The following NRF1 variants were observed in gnomAD, a reference collection of about 807,000 sequenced individuals.
NRF1 encodes the protein alpha palindromic-binding protein.
Under a neutral mutation model 58.5 loss-of-function variants are expected in NRF1, and 5 were observed. The ratio of observed to expected loss-of-function variants is 0.09; its 90% CI spans 0.04 to 0.18. NRF1 has a LOEUF of 0.18. Among genes scored for constraint, NRF1 ranks in the 10% least tolerant of loss-of-function variants. NRF1 has a pLI of 1.00. For synonymous variants in NRF1, 224 were observed against 246.7 expected (o/e 0.91, Z 0.86); for missense variants, 288 against 657.7 (o/e 0.44, Z 6.15).
At chr7:129,751,878 C>T (rs895799021) in intron 10 of NRF1, among the ~76,000 whole-genome samples, 6 of 152,128 alleles carry the variant, frequency 3.9e-5, no homozygotes, top group Admixed American at 3.3e-4. Context: ...AGAGCCTGAT[C>T]GTGATAGGAG....
chr7:129,671,880 T>C (rs1802055934), intron 3 of NRF1, among the ~76,000 whole-genome samples: 1 of 152,138 alleles, frequency 6.6e-6, no homozygotes, highest in Non-Finnish European at 1.5e-5. Flanking sequence ...ATATGCAATA[T>C]GTCAGCTGAT....
chr7:129,657,363 C>T lies in NRF1; in HGVS notation c.12C>T (p.His4=), dbSNP rs1430490570. 15 of 1,613,704 alleles carry T rather than the reference C, an allele frequency of 9.3e-6. No individual in the cohort carries two copies. Among genetic ancestry groups the T allele is most frequent in the Non-Finnish European group, 1.3e-5 (15 of 1,179,734 alleles). MEE[H]GVTQTEHMAT... is the part of the protein sequence containing the mutation. The stretch of plus-strand genomic sequence containing the variant: ...GACAGTAGAACTTCATGGAGGAACA[C>T]GGAGTGACCCAAACCGAACATATGG... The change falls in exon 2 of 11, where the codon CAC becomes CAT. Residue 4 remains histidine, a synonymous_variant. Transcript: ENST00000393232.
At chr7:129,663,573 G>GC (rs1801844346) in intron 2 of NRF1, among the ~76,000 whole-genome samples, 1 of 151,358 alleles carries the variant, frequency 6.6e-6, no homozygotes, top group African/African-American at 2.4e-5. Flanking sequence ...ACGATGGGCG[G>GC]CCAGGCAGAG....
intron 1 of NRF1, among the ~76,000 whole-genome samples, chr7:129,612,370 C>T (rs937539729): frequency 6.6e-6 from 1 of 152,030 alleles, no homozygotes; most frequent in Non-Finnish European, 1.5e-5. Context: ...GGAGAGGAGG[C>T]TGGCTCTTTG....
In NRF1 at chr7:129,755,535, GTATATATATACATATATATATA is replaced by G. The variant is rs1241029648; in HGVS notation, c.*362_*383del. 4 of 46,944 alleles carry G rather than the reference GTATATATATACATATATATATA, an allele frequency of 8.5e-5. No homozygotes were observed. The highest frequency in any genetic ancestry group is 3.5e-4 in the African/African-American group (4 of 11,320). The allele number at this position is 46,944 out of a possible 1,614,324, so 2.9% of individuals were successfully genotyped here. A position where few individuals can be genotyped will look rare whatever the true frequency, so the allele number is the denominator to read the frequency against. On this transcript the variant is annotated 3_prime_UTR_variant, in exon 11 of 11. Coordinates refer to ENST00000393232, the MANE Select transcript of NRF1 (RefSeq NM_005011.5). The surrounding 1 kb of genome is among the most constrained non-coding windows in gnomAD (Gnocchi z 5.8). ...ACATACACATTTACATATATATAAA[GTATATATATACATATATATATA>G]TATATATGTATGAAACCCGCATGGA...
intron 1 of NRF1, among the ~76,000 whole-genome samples, chr7:129,651,563 G>A (rs1801536799): frequency 6.6e-6 from 1 of 152,140 alleles, no homozygotes; most frequent in Non-Finnish European, 1.5e-5. Context: ...CTGGAGCAAA[G>A]AATTGAAATC....
intron 1 of NRF1, among the ~76,000 whole-genome samples, chr7:129,639,861 TAAAA>T (rs1305872386): frequency 1.3e-5 from 2 of 152,132 alleles, no homozygotes; most frequent in African/African-American, 4.8e-5. Flanking sequence ...CCCCCTTTTT[TAAAA>T]AAAGTAATAT....
At chr7:129,691,501 C>T (rs966129627) in intron 5 of NRF1, among the ~76,000 whole-genome samples, 17 of 151,252 alleles carry the variant, frequency 1.1e-4, no homozygotes, top group African/African-American at 1.7e-4. Flanking sequence ...ATTATAGGTG[C>T]GGGCTACCAC....
chr7:129,667,102 A>G (rs1562964764), intron 2 of NRF1, among the ~76,000 whole-genome samples: 1 of 152,214 alleles, frequency 6.6e-6, no homozygotes, highest in African/African-American at 2.4e-5. Context: ...CTACTGGAAG[A>G]TATACCCAGG....
At chr7:129,626,244 A>G (rs1800916896) in intron 1 of NRF1, among the ~76,000 whole-genome samples, 1 of 152,240 alleles carries the variant, frequency 6.6e-6, no homozygotes, top group South Asian at 2.1e-4. Flanking sequence ...CCTTCGACAT[A>G]CAGTAGTTGC....
At chr7:129,694,035 A>C (rs1019369412) in intron 5 of NRF1, among the ~76,000 whole-genome samples, 4 of 152,260 alleles carry the variant, frequency 2.6e-5, no homozygotes, top group Non-Finnish European at 4.4e-5. Context: ...AACCACACTC[A>C]GTAGAGCTTG....
intron 10 of NRF1, among the ~76,000 whole-genome samples, chr7:129,747,997 C>T (rs953226809): frequency 6.6e-6 from 1 of 152,104 alleles, no homozygotes; most frequent in Non-Finnish European, 1.5e-5. Context: ...AGTCCTCGGC[C>T]GGGCGCGGTG....
intron 1 of NRF1, among the ~76,000 whole-genome samples, chr7:129,629,750 C>A (rs1801006864): frequency 6.6e-6 from 1 of 152,158 alleles, no homozygotes; most frequent in African/African-American, 2.4e-5. Context: ...TCTCATCAAG[C>A]ACATTCTTAA....
intron 3 of NRF1, among the ~76,000 whole-genome samples, chr7:129,677,292 C>T (rs569439185): frequency 1.3e-5 from 2 of 152,150 alleles, no homozygotes; most frequent in East Asian, 3.9e-4. Context: ...GGGATTACAG[C>T]AGGCATGAGC....
At chr7:129,706,617 G>A (rs948816079) in intron 5 of NRF1, among the ~76,000 whole-genome samples, 1 of 152,174 alleles carries the variant, frequency 6.6e-6, no homozygotes, top group African/African-American at 2.4e-5. Flanking sequence ...TGGAGAGAGG[G>A]TAGGGTAGGA....
chr7:129,699,611 A>G (rs555840083), intron 5 of NRF1, among the ~76,000 whole-genome samples: 238 of 152,068 alleles, frequency 1.6e-3, no homozygotes, highest in Non-Finnish European at 2.4e-3. Context: ...GGTGCCTGCA[A>G]TCCTAGCTAC....
intron 1 of NRF1, among the ~76,000 whole-genome samples, chr7:129,629,024 T>A (rs1800988099): frequency 6.6e-6 from 1 of 152,252 alleles, no homozygotes; most frequent in Non-Finnish European, 1.5e-5. Context: ...TTAGACTCAC[T>A]GTAGCAGATA....
At chr7:129,676,307 G>A (rs1802176313) in intron 3 of NRF1, among the ~76,000 whole-genome samples, 1 of 152,254 alleles carries the variant, frequency 6.6e-6, no homozygotes, top group East Asian at 1.9e-4. Flanking sequence ...TTTGGCATAA[G>A]CGGCCTTGCT....
chr7:129,674,608 T>C (rs899215906), intron 3 of NRF1, among the ~76,000 whole-genome samples: 22 of 152,130 alleles, frequency 1.4e-4, no homozygotes, highest in African/African-American at 4.1e-4. Context: ...GAATTTTTTC[T>C]TCTTTCTGTA....
Sources: allele counts gnomAD v4.1 joint callset (sites outside exome capture counted in the v4.1 genomes callset), GRCh38; gene constraint gnomAD v4.1.1; non-coding constraint Gnocchi (gnomAD v3.1); transcripts MANE v1.5; gene names NCBI Gene and HGNC (gene_info 2026-07-23, HGNC 2026-07-21).